STARD13: variants seen among roughly 807,000 people sequenced by gnomAD.
STARD13 encodes stAR-related lipid transfer protein 13.
STARD13 carries 62 observed loss-of-function variants against 106.4 expected under a neutral mutation model. The observed-to-expected ratio is 0.58, with a 90% CI of 0.48 to 0.72. STARD13 has a LOEUF of 0.72. STARD13 is among the 30% of genes least tolerant of loss of function. The probability of loss-of-function intolerance (pLI) is 0.00; values close to 1 mark genes in which losing one functional copy is unlikely to be tolerated. For missense variants in STARD13, 1,387 were observed against 1,424.0 expected (o/e 0.97, Z 0.42); for synonymous variants, 565 against 553.0 (o/e 1.02, Z -0.31).
chr13:33,181,489 A>G (rs1405705929), intron 1 of STARD13, among the ~76,000 whole-genome samples: 2 of 152,140 alleles, frequency 1.3e-5, no homozygotes, highest in Non-Finnish European at 2.9e-5. Flanking sequence ...TAGTATGTTG[A>G]CTGAATGGGT....
downstream of STARD13, among the ~76,000 whole-genome samples, chr13:33,346,639 A>AT (rs1338441303): frequency 3.3e-5 from 5 of 151,338 alleles, no homozygotes; most frequent in Non-Finnish European, 1.5e-5. Flanking sequence ...TTTATTTTTT[A>AT]TTTTTTTTGA....
In STARD13 at chr13:33,129,207, C is replaced by T; in HGVS notation, c.1470G>A (p.Leu490=). 6.2e-7 allele frequency: 1 copy of T among 1,614,188 alleles called. No individual in the cohort carries two copies. The highest frequency in any genetic ancestry group is 1.6e-4 in the Middle Eastern group (1 of 6,062). ...DDLFPHLDDI[L]QHVNGLQEVV... ...CCTCTTGGAGCCCATTGACATGCTG[C>T]AGAATGTCATCCAAGTGAGGGAAAA... Residue 490 remains leucine, a synonymous_variant, in exon 5 of 14, where the codon CTG becomes CTA. Transcript: ENST00000336934.
intron 1 of STARD13, among the ~76,000 whole-genome samples, chr13:33,240,670 G>GTATCCTTAAGTTTATCCTTAAGTATTT (rs1193100080): frequency 6.9e-6 from 1 of 145,386 alleles, no homozygotes; most frequent in Non-Finnish European, 1.6e-5. Flanking sequence ...TTATCCTTAA[G>GTATCCTTAAGTTTATCCTTAAGTATTT]TATCCTTAAG....
the STARD13 span, among the ~76,000 whole-genome samples, chr13:33,605,850 C>T: frequency 5.3e-5 from 8 of 152,198 alleles, no homozygotes; most frequent in South Asian, 2.1e-4. Flanking sequence ...TTTGGGATGT[C>T]GATTCTCTTT....
the STARD13 span, among the ~76,000 whole-genome samples, chr13:33,585,359 T>G: frequency 2.0e-5 from 3 of 152,102 alleles, no homozygotes; most frequent in Non-Finnish European, 4.4e-5. Flanking sequence ...TCATAATAAC[T>G]GAAAGATGGA....
chr13:33,225,631 T>C (rs1236103558), intron 1 of STARD13, among the ~76,000 whole-genome samples: 2 of 152,182 alleles, frequency 1.3e-5, no homozygotes, highest in Non-Finnish European at 2.9e-5. Context: ...GAAGTATCAC[T>C]GTATCATAAA....
chr13:33,233,255 C>A (rs1440843285), intron 1 of STARD13, among the ~76,000 whole-genome samples: 1 of 152,236 alleles, frequency 6.6e-6, no homozygotes, highest in Non-Finnish European at 1.5e-5. Flanking sequence ...CCCCACCCTT[C>A]ATCTATTTTA....
At chr13:33,471,281 TAG>T in the STARD13 span, among the ~76,000 whole-genome samples, 3 of 152,152 alleles carry the variant, frequency 2.0e-5, no homozygotes, top group Non-Finnish European at 4.4e-5. Flanking sequence ...TGTAGCCACA[TAG>T]AGAGTAGCAG....
At position 33,177,846 on chromosome 13, in the gene STARD13, GAAGGAAGGAAGGAAGGAAGGAAGGAAGGA is replaced by G. The variant is rs1566052284; in HGVS notation, c.170-10253_170-10225del. 5.2e-3 allele frequency among the ~76,000 whole-genome samples: 57 copies of G among 11,048 alleles called. 7 individuals are homozygous for G. The highest frequency in any genetic ancestry group is 0.021 in the African/African-American group (19 of 926). The allele number at this position is 11,048 out of a possible 152,430, so 7.2% of individuals were successfully genotyped here. ...GAAGGAAGGAAGGAAGGAAGGAAAG[GAAGGAAGGAAGGAAGGAAGGAAGGAAGGA>G]AAGGAAGGAAGGAAGGAAGGAAGGA... On this transcript the variant is annotated intron_variant, in intron 1 of 13. Transcript: ENST00000336934.
chr13:33,266,491 G>T (rs1890902899), intron 1 of STARD13, among the ~76,000 whole-genome samples: 1 of 152,060 alleles, frequency 6.6e-6, no homozygotes, highest in Non-Finnish European at 1.5e-5. Flanking sequence ...CTGCAGTCTG[G>T]CCTCAAACTT....
chr13:33,146,405 GC>G (rs1880549032), intron 3 of STARD13, among the ~76,000 whole-genome samples: 1 of 152,028 alleles, frequency 6.6e-6, no homozygotes, highest in African/African-American at 2.4e-5. Context: ...GATCACTTGA[GC>G]CTGGGAGGTC....
At chr13:33,110,599 A>C in intron 11 of STARD13, 87 bp downstream of exon 11, 1 of 1,122,576 alleles carries the variant, frequency 8.9e-7, no homozygotes, top group Non-Finnish European at 1.3e-6. Flanking sequence ...CCCTGTGGAC[A>C]CAGCAGCTGT....
intron 5 of STARD13, among the ~76,000 whole-genome samples, chr13:33,128,131 T>A (rs953761126): frequency 2.0e-5 from 3 of 150,562 alleles, no homozygotes; most frequent in Non-Finnish European, 4.4e-5. Context: ...TAGAGCAATA[T>A]AGACAGAGGA....
At chr13:33,526,159 C>T in the STARD13 span, among the ~76,000 whole-genome samples, 1 of 151,962 alleles carries the variant, frequency 6.6e-6, no homozygotes, top group African/African-American at 2.4e-5. Context: ...GCCACTGTGG[C>T]CGGCAATAAT....
intron 1 of STARD13, among the ~76,000 whole-genome samples, chr13:33,253,939 C>G (rs1890210546): frequency 6.6e-6 from 1 of 152,256 alleles, no homozygotes; most frequent in Non-Finnish European, 1.5e-5. Context: ...GGGGAACACC[C>G]TGTCCAGGTG....
At chr13:33,662,307 A>G in the STARD13 span, among the ~76,000 whole-genome samples, 4 of 152,044 alleles carry the variant, frequency 2.6e-5, no homozygotes, top group South Asian at 6.2e-4. Flanking sequence ...CCACCAAACT[A>G]TCTGTCTGGG....
the STARD13 span, among the ~76,000 whole-genome samples, chr13:33,598,211 G>A: frequency 6.6e-6 from 1 of 152,090 alleles, no homozygotes; most frequent in South Asian, 2.1e-4. Context: ...CTACTCATAT[G>A]GCTCCCTTCG....
intron 12 of STARD13, among the ~76,000 whole-genome samples, 166 bp downstream of exon 12, chr13:33,109,707 G>T (rs905862467): frequency 6.6e-6 from 1 of 152,220 alleles, no homozygotes; most frequent in East Asian, 1.9e-4. Flanking sequence ...ACAGGAAGTC[G>T]GGCATCGACA....
At position 33,152,416 on chromosome 13, in the gene STARD13, C is replaced by CAAA. The variant is rs34146261; in HGVS notation, c.324-10046_324-10044dup. 1.6e-3 allele frequency among the ~76,000 whole-genome samples: 226 copies of CAAA among 138,192 alleles called. 1 individual carries two copies. The highest frequency in any genetic ancestry group is 0.015 in the South Asian group (64 of 4,328). 90.7% of individuals were successfully genotyped at this position (138,192 alleles called of 152,430 possible). ...TGCTAACCCCGAGGCTTCAGTCATA[C>CAAA]AAAAAAAAAAAAAAATAGCCATTCT... is the stretch of plus-strand genomic sequence containing the variant. On this transcript the variant is annotated intron_variant, in intron 3 of 13. Transcript: ENST00000336934.
Sources: gnomAD v4.1 joint callset for allele counts (sites outside exome capture counted in the v4.1 genomes callset) on GRCh38, gnomAD v4.1.1 for gene constraint, MANE v1.5 for transcripts, NCBI Gene and HGNC (gene_info 2026-07-23, HGNC 2026-07-21) for gene names.